Variants in CRACR2A observed in about 807,000 individuals in gnomAD.
CRACR2A encodes the protein calcium release activated channel regulator 2A, also known as EF-hand calcium-binding domain-containing protein 4B.
CRACR2A carries 79 observed loss-of-function variants against 90.5 expected under a neutral mutation model. That is an observed-to-expected ratio of 0.87 (90% CI 0.73 to 1.05). CRACR2A has a LOEUF of 1.05. Ranked by LOEUF, CRACR2A falls within the 50% of genes least tolerant of loss-of-function variation. The probability of loss-of-function intolerance (pLI) is 0.00; values close to 1 mark genes in which losing one functional copy is unlikely to be tolerated. For missense variants in CRACR2A, 823 were observed against 897.2 expected (o/e 0.92, Z 1.06); for synonymous variants, 338 against 356.7 (o/e 0.95, Z 0.59).
chr12:3,752,645 G>C (rs1223940669), intron 1 of CRACR2A: 1 of 152,526 alleles, frequency 6.6e-6, no homozygotes, highest in Non-Finnish European at 1.5e-5. Context: ...TAGGAGTTTT[G>C]GTTCTTAGAC....
chr12:3,622,767 C>G (rs893458170), intron 17 of CRACR2A, among the ~76,000 whole-genome samples: 2 of 151,170 alleles, frequency 1.3e-5, no homozygotes, highest in Non-Finnish European at 3.0e-5. Flanking sequence ...TGCAGTTATG[C>G]TAAGAAAAAA....
At chr12:3,749,144 T>C (rs920678065) in intron 1 of CRACR2A, among the ~76,000 whole-genome samples, 2 of 152,162 alleles carry the variant, frequency 1.3e-5, no homozygotes, top group African/African-American at 2.4e-5. Flanking sequence ...GCCTAGCCAA[T>C]TGGGTTGTAG....
chr12:3,694,272 GCTGT>G (rs2137688346), intron 4 of CRACR2A, among the ~76,000 whole-genome samples: 1 of 152,322 alleles, frequency 6.6e-6, no homozygotes, highest in African/African-American at 2.4e-5. Flanking sequence ...ACAAATGCAA[GCTGT>G]CTGTGACTTT....
intron 17 of CRACR2A, among the ~76,000 whole-genome samples, chr12:3,627,146 A>G (rs1383820234): frequency 1.3e-5 from 2 of 152,128 alleles, no homozygotes; most frequent in Admixed American, 1.3e-4. Context: ...GTCCCACTCA[A>G]TCATGGCCCA....
intron 2 of CRACR2A, 51 bp from the exon 3 acceptor site, chr12:3,713,368 C>T: frequency 2.1e-6 from 2 of 936,634 alleles, no homozygotes; most frequent in Non-Finnish European, 2.5e-6. Flanking sequence ...CTGAGGGTTA[C>T]AACAGAAGTG....
At chr12:3,708,647 G>C (rs953322374) in intron 3 of CRACR2A, among the ~76,000 whole-genome samples, 2 of 152,066 alleles carry the variant, frequency 1.3e-5, no homozygotes, top group Non-Finnish European at 2.9e-5. Flanking sequence ...GGATGGTCTC[G>C]TTCTCCTGAC....
intron 10 of CRACR2A, among the ~76,000 whole-genome samples, chr12:3,650,804 A>G (rs773325233): frequency 5.3e-5 from 8 of 152,240 alleles, no homozygotes; most frequent in African/African-American, 9.6e-5. Flanking sequence ...CATACACAGC[A>G]CCAGTGACCA....
rs7954163 is a variant in CRACR2A, at chr12:3,749,646, G to C, written c.-387+3369C>G. On this transcript the variant is annotated intron_variant, in intron 1 of 19. Coordinates refer to ENST00000440314, the MANE Select transcript of CRACR2A (RefSeq NM_001144958.2). ...GGACTTCCCCCTGACCCTGTACTTG[G>C]ACGGAACCCTTTATGGCTCTAACTA... Among the ~76,000 whole-genome samples the C allele has an allele frequency of 6.2e-3, 939 of 152,264 alleles. 8 individuals are homozygous for C. Among genetic ancestry groups the C allele is most frequent in the African/African-American group, 0.021 (893 of 41,544 alleles).
chr12:3,707,152 T>A (rs1230007537), intron 3 of CRACR2A, among the ~76,000 whole-genome samples: 3 of 152,092 alleles, frequency 2.0e-5, no homozygotes, highest in Admixed American at 6.5e-5. Flanking sequence ...GGCAGGTGGA[T>A]GGAGGTGCAT....
In CRACR2A at chr12:3,682,794, C is replaced by CT. The variant is rs58520135; in HGVS notation, c.229-2446dup. 9.8e-3 allele frequency among the ~76,000 whole-genome samples: 1,435 copies of CT among 145,932 alleles called. 12 individuals are homozygous for CT. Among genetic ancestry groups the CT allele is most frequent in the East Asian group, 0.022 (110 of 5,042 alleles). On this transcript the variant is annotated intron_variant, in intron 4 of 19. Transcript: ENST00000440314. Reference sequence around the variant, plus strand: ...ATTATTTTTATTATTTTTATTATTACTTTTTTTTTTTTTGAGACAGAGTCT... The same window carrying CT: ...ATTATTTTTATTATTTTTATTATTACTTTTTTTTTTTTTTGAGACAGAGTCT...
chr12:3,752,550 G>A (rs1946726324), intron 1 of CRACR2A: 1 of 152,530 alleles, frequency 6.6e-6, no homozygotes, highest in Admixed American at 6.5e-5. Flanking sequence ...CTGACTGTCT[G>A]TCTCGGTTCT....
intron 4 of CRACR2A, among the ~76,000 whole-genome samples, chr12:3,694,163 G>T (rs1945698944): frequency 6.6e-6 from 1 of 152,334 alleles, no homozygotes; most frequent in East Asian, 1.9e-4. Flanking sequence ...CTGAAGATCT[G>T]TTAGGAGTGC....
chr12:3,693,166 G>C (rs1320776197), intron 4 of CRACR2A, among the ~76,000 whole-genome samples: 1 of 152,234 alleles, frequency 6.6e-6, no homozygotes. Flanking sequence ...GGGGGCTGCC[G>C]TGGGCCTGGG....
At chr12:3,629,809 C>G in intron 15 of CRACR2A, among the ~76,000 whole-genome samples, 1 of 125,184 alleles carries the variant, frequency 8.0e-6, no homozygotes, top group Admixed American at 1.0e-4. Context: ...GATAAACAGG[C>G]TCTTGGGGGC....
chr12:3,671,482 T>A (rs1945241187), intron 7 of CRACR2A, among the ~76,000 whole-genome samples: 1 of 152,138 alleles, frequency 6.6e-6, no homozygotes, highest in South Asian at 2.1e-4. Context: ...AACTCCTGAT[T>A]CCGAGCCTCC....
At position 3,640,489 on chromosome 12, in the gene CRACR2A, G is replaced by A. The variant is rs181803814; in HGVS notation, c.1271+1243C>T. 202 of 1,193,550 alleles carry A rather than the reference G, an allele frequency of 1.7e-4. 2 individuals are homozygous for A. The highest frequency in any genetic ancestry group is 3.1e-5 in the Non-Finnish European group (29 of 940,990). 73.9% of individuals were successfully genotyped at this position (1,193,550 alleles called of 1,614,324 possible). On this transcript the variant is annotated intron_variant, in intron 13 of 19. Transcript: ENST00000440314. ...AACTCAAAAGAATGTCTGGTACACA[G>A]TAGGTAATCAGTAAACGTCTGCTGA...
intron 19 of CRACR2A, 112 bp from the exon 20 acceptor site, chr12:3,615,551 AC>A: frequency 1.3e-6 from 1 of 756,522 alleles, no homozygotes. Context: ...TATGGAGAGA[AC>A]CCACCCTCAC....
chr12:3,665,449 G>A (rs1179898366), intron 7 of CRACR2A, among the ~76,000 whole-genome samples: 1 of 152,212 alleles, frequency 6.6e-6, no homozygotes, highest in Non-Finnish European at 1.5e-5. Flanking sequence ...AGCCTGAAGT[G>A]TCCTATATCT....
At chr12:3,741,706 T>G (rs1420437508) in intron 1 of CRACR2A, among the ~76,000 whole-genome samples, 1 of 152,336 alleles carries the variant, frequency 6.6e-6, no homozygotes, top group East Asian at 1.9e-4. Flanking sequence ...GACTTTCCTG[T>G]CTGCCCGCTT....
Sources: allele counts gnomAD v4.1 joint callset (sites outside exome capture counted in the v4.1 genomes callset), GRCh38; gene constraint gnomAD v4.1.1; transcripts MANE v1.5; gene names NCBI Gene and HGNC (gene_info 2026-07-23, HGNC 2026-07-21).